Variants in CDH8 observed in about 807,000 individuals in gnomAD.
The protein encoded by CDH8 is cadherin-8.
In CDH8, 17 loss-of-function variants were observed where a neutral mutation model predicts 68.1. The ratio of observed to expected loss-of-function variants is 0.25; its 90% CI spans 0.17 to 0.37. The LOEUF is 0.37. Among genes scored for constraint, CDH8 ranks in the 10% least tolerant of loss-of-function variants. The pLI, the probability that CDH8 is intolerant of heterozygous loss-of-function variation, is 1.00. For missense variants in CDH8, 763 were observed against 999.3 expected (o/e 0.76, Z 3.19); for synonymous variants, 372 against 365.1 (o/e 1.02, Z -0.21).
rs1555524919 is a variant in CDH8, at chr16:61,960,320, CGT to C, written c.253-58849_253-58848del. 2.0e-3 allele frequency among the ~76,000 whole-genome samples: 116 copies of C among 57,288 alleles called. 34 individuals are homozygous for C. In the South Asian group the frequency reaches 0.025, roughly 12 times the overall value. The allele number at this position is 57,288 out of a possible 152,430, so 37.6% of individuals were successfully genotyped here. On this transcript the variant is annotated intron_variant, in intron 2 of 11. Transcript: ENST00000577390. ...GTGTGTGTGTATACACACATATATACGTGTGTGTGTATACACACATATATACA... is the reference window on the plus strand; with the variant it reads ...GTGTGTGTGTATACACACATATATACGTGTGTGTATACACACATATATACA...
At chr16:61,932,217 A>G (rs1359243024) in intron 2 of CDH8, among the ~76,000 whole-genome samples, 4 of 151,300 alleles carry the variant, frequency 2.6e-5, no homozygotes, top group East Asian at 3.9e-4. Context: ...CAAAAAAAAA[A>G]AAAAAGAAAA....
intron 2 of CDH8, among the ~76,000 whole-genome samples, chr16:61,943,041 A>G (rs534798655): frequency 6.6e-6 from 1 of 152,370 alleles, no homozygotes; most frequent in Admixed American, 6.5e-5. Flanking sequence ...TTGCCTGGAC[A>G]AAAGAGTGAG....
intron 2 of CDH8, among the ~76,000 whole-genome samples, chr16:61,920,818 G>A (rs1373280058): frequency 8.1e-5 from 7 of 86,734 alleles, no homozygotes; most frequent in African/African-American, 1.4e-4. Context: ...TGTTTATTGC[G>A]GCATTATTCA....
chr16:61,791,268 T>G (rs1369920), intron 7 of CDH8, among the ~76,000 whole-genome samples: 1,537 of 152,072 alleles, frequency 0.01, 12 homozygotes, highest in Non-Finnish European at 0.018. Flanking sequence ...TAAGTTAACA[T>G]TGCTCTCAAC....
chr16:61,953,895 T>TTTTATATATATATATATATA (rs1964935648), intron 2 of CDH8, among the ~76,000 whole-genome samples: 1 of 118,878 alleles, frequency 8.4e-6, no homozygotes, highest in African/African-American at 3.8e-5. Context: ...AAAAAAAACT[T>TTTTATATATATATATATATA]TATATATATA....
At position 62,021,138 on chromosome 16, in the gene CDH8, A is replaced by T; in HGVS notation, c.252+14T>A. The T allele has an allele frequency of 6.2e-7, 1 of 1,612,550 alleles. No homozygotes were observed. Among genetic ancestry groups the T allele is most frequent in the Non-Finnish European group, 8.5e-7 (1 of 1,178,966 alleles). On this transcript the variant is annotated intron_variant, in intron 2 of 11. Transcript: ENST00000577390. ...AACAGACCCTGAAATTGAGATCTTA[A>T]AAACAAAGCTTACCCGGCCAACAAG...
intron 10 of CDH8, among the ~76,000 whole-genome samples, chr16:61,675,587 C>A: frequency 7.5e-6 from 1 of 133,880 alleles, no homozygotes; most frequent in African/African-American, 2.9e-5. Flanking sequence ...TACCCTAAAA[C>A]TTAAAGTATA....
At chr16:61,822,051 A>C (rs1596997002) in intron 5 of CDH8, among the ~76,000 whole-genome samples, 1 of 151,730 alleles carries the variant, frequency 6.6e-6, no homozygotes, top group Non-Finnish European at 1.5e-5. Flanking sequence ...TCAAAGACTC[A>C]CAGGAGTTAG....
At chr16:61,818,721 C>T (rs1962139545) in intron 6 of CDH8, among the ~76,000 whole-genome samples, 1 of 152,062 alleles carries the variant, frequency 6.6e-6, no homozygotes, top group Non-Finnish European at 1.5e-5. Context: ...GCAAGTCTGT[C>T]GAGGTTCAAA....
intron 8 of CDH8, among the ~76,000 whole-genome samples, chr16:61,741,780 T>C (rs1373302409): frequency 6.6e-6 from 1 of 152,152 alleles, no homozygotes; most frequent in Non-Finnish European, 1.5e-5. Flanking sequence ...TATAATGATA[T>C]TATAAGACAA....
intron 8 of CDH8, among the ~76,000 whole-genome samples, chr16:61,768,830 T>C (rs753059908): frequency 4.0e-5 from 6 of 151,848 alleles, no homozygotes; most frequent in Non-Finnish European, 8.8e-5. Context: ...CAATCCTTAT[T>C]GTTACTATAT....
intron 3 of CDH8, among the ~76,000 whole-genome samples, chr16:61,860,137 T>G (rs7499166): frequency 0.55 from 82,757 of 151,778 alleles, 25,192 homozygotes; most frequent in African/African-American, 0.84. Context: ...CACCTTTCAG[T>G]GCCTGATTAG....
intron 8 of CDH8, among the ~76,000 whole-genome samples, chr16:61,783,733 G>A (rs1162896408): frequency 6.6e-6 from 1 of 151,784 alleles, no homozygotes; most frequent in Non-Finnish European, 1.5e-5. Context: ...ACTAACAGCG[G>A]ATCTCTCGGC....
intron 10 of CDH8, among the ~76,000 whole-genome samples, chr16:61,699,524 G>C (rs2142846014): frequency 6.6e-6 from 1 of 152,048 alleles, no homozygotes; most frequent in African/African-American, 2.4e-5. Flanking sequence ...GTGGAGCGTT[G>C]ATCTCCATAA....
At chr16:61,748,011 C>A (rs1299557017) in intron 8 of CDH8, among the ~76,000 whole-genome samples, 2 of 151,982 alleles carry the variant, frequency 1.3e-5, no homozygotes, top group Non-Finnish European at 2.9e-5. Context: ...TCCATCAAGG[C>A]ATTGGAACCA....
chr16:61,967,994 G>A (rs2150575177), intron 2 of CDH8, among the ~76,000 whole-genome samples: 1 of 152,188 alleles, frequency 6.6e-6, no homozygotes, highest in East Asian at 1.9e-4. Context: ...ATTTTTAGTG[G>A]AGACAGGGTT....
At chr16:61,772,646 C>A (rs941479339) in intron 8 of CDH8, among the ~76,000 whole-genome samples, 2 of 152,018 alleles carry the variant, frequency 1.3e-5, no homozygotes, top group Non-Finnish European at 2.9e-5. Context: ...TTAGTTTTAA[C>A]CAGATGCCAA....
rs915852954 is a variant in CDH8, at chr16:61,803,823, C to T, written c.1277+13656G>A. On this transcript the variant is annotated intron_variant, in intron 7 of 11. Transcript: ENST00000577390. The stretch of plus-strand genomic sequence containing the variant: ...GAGCACCAAGATTTATAAAGCAAGT[C>T]CTGAGTGACCTACAAAGAGACTTAG... 5.9e-3 allele frequency among the ~76,000 whole-genome samples: 793 copies of T among 134,892 alleles called. 14 individuals carry two copies. Among genetic ancestry groups the T allele is most frequent in the Non-Finnish European group, 1.0e-2 (639 of 64,020 alleles). The allele number at this position is 134,892 out of a possible 152,430, so 88.5% of individuals were successfully genotyped here.
intron 2 of CDH8, among the ~76,000 whole-genome samples, chr16:61,928,583 T>C (rs909473483): frequency 1.3e-5 from 2 of 152,288 alleles, no homozygotes; most frequent in Admixed American, 6.5e-5. Context: ...AACCTCTTGA[T>C]TCTAACAGTG....
Sources: allele counts gnomAD v4.1 joint callset (sites outside exome capture counted in the v4.1 genomes callset), GRCh38; gene constraint gnomAD v4.1.1; transcripts MANE v1.5; gene names NCBI Gene and HGNC (gene_info 2026-07-23, HGNC 2026-07-21).